The following PTTG1IP variants were observed in gnomAD, a reference collection of about 807,000 sequenced individuals.
The protein encoded by PTTG1IP is PTTG1 interacting protein, also known as pituitary tumor-transforming gene 1 protein-interacting protein.
Under a neutral mutation model 24.4 loss-of-function variants are expected in PTTG1IP, and 16 were observed. The observed-to-expected ratio is 0.66, with a 90% CI of 0.44 to 1.00. PTTG1IP has a LOEUF of 1.00. Ranked by LOEUF, PTTG1IP falls within the 50% of genes least tolerant of loss-of-function variation. The pLI is 0.00. For missense variants in PTTG1IP, 241 were observed against 245.8 expected (o/e 0.98, Z 0.13); for synonymous variants, 89 against 96.8 (o/e 0.92, Z 0.47).
intron 2 of PTTG1IP, among the ~76,000 whole-genome samples, chr21:44,864,095 C>T (rs528382271): frequency 1.3e-5 from 2 of 152,362 alleles, no homozygotes; most frequent in South Asian, 4.1e-4. Context: ...GGAAAGGAAG[C>T]CTCTGGCCCT....
chr21:44,852,244 G>A (rs915575051), intron 5 of PTTG1IP, among the ~76,000 whole-genome samples: 1 of 151,712 alleles, frequency 6.6e-6, no homozygotes, highest in Admixed American at 6.6e-5. Flanking sequence ...GTGCAATGGC[G>A]CAGTCTCGGC....
At position 44,865,383 on chromosome 21, in the gene PTTG1IP, C is replaced by T. The variant is rs761390751; in HGVS notation, c.168+12G>A. The T allele has an allele frequency of 3.3e-5, 54 of 1,613,688 alleles. No individual in the cohort carries two copies. The highest frequency in any genetic ancestry group is 1.6e-4 in the Middle Eastern group (1 of 6,080). ...GGACGGCACTCTGGTCTCTAGTCCA[C>T]GTGCTACTTACGGAGACGTTCTTCA... On this transcript the variant is annotated intron_variant, in intron 2 of 5. Coordinates refer to ENST00000330938, the MANE Select transcript of PTTG1IP (RefSeq NM_004339.4).
chr21:44,852,914 G>A (rs189102628), intron 5 of PTTG1IP, among the ~76,000 whole-genome samples: 31 of 152,302 alleles, frequency 2.0e-4, no homozygotes, highest in Admixed American at 6.5e-4. Flanking sequence ...GCTTTCCAAA[G>A]CACAGGCCAT....
chr21:44,865,352 C>A lies in PTTG1IP; in HGVS notation c.168+43G>T, dbSNP rs373569581. On this transcript the variant is annotated intron_variant, in intron 2 of 5. Coordinates refer to ENST00000330938, the MANE Select transcript of PTTG1IP (RefSeq NM_004339.4). Reference sequence around the variant, plus strand: ...TAGAGAAAGCCCGTGTGCCTTTGGACGGTCTGGACGGCACTCTGGTCTCTA... The same window carrying A: ...TAGAGAAAGCCCGTGTGCCTTTGGAAGGTCTGGACGGCACTCTGGTCTCTA... The A allele has an allele frequency of 1.4e-5, 23 of 1,591,704 alleles. No homozygotes were observed. The African/African-American group carries it at 2.7e-4, about 19-fold the overall frequency.
At position 44,863,640 on chromosome 21, in the gene PTTG1IP, G is replaced by A. The variant is rs1020624592; in HGVS notation, c.168+1755C>T. ...GCAAAAACGCACTCTAGGCTACAAA[G>A]CCACATACAATAGTGAGCTATGTTT... On this transcript the variant is annotated intron_variant, in intron 2 of 5. Transcript: ENST00000330938. 2.0e-5 allele frequency among the ~76,000 whole-genome samples: 3 copies of A among 152,340 alleles called. No individual in the cohort carries two copies. In the South Asian group the frequency reaches 6.2e-4, roughly 32 times the overall value.
rs989627744 is a variant in PTTG1IP at position 44,850,185 on chromosome 21, C to T, written c.*1396G>A. On this transcript the variant is annotated 3_prime_UTR_variant, in exon 6 of 6. Coordinates refer to ENST00000330938, the MANE Select transcript of PTTG1IP (RefSeq NM_004339.4). ...AAGACAGTCTTCTCAGTTTTCATGA[C>T]TGTGAAGTGTGAAAATGGAACGCAT... 3.9e-5 allele frequency: 6 copies of T among 152,196 alleles called. No individual in the cohort carries two copies. The highest frequency in any genetic ancestry group is 7.3e-5 in the Non-Finnish European group (5 of 68,034). The allele number at this position is 152,196 out of a possible 1,614,324, so 9.4% of individuals were successfully genotyped here.
chr21:44,854,420 T>G (rs1478797262), intron 5 of PTTG1IP, among the ~76,000 whole-genome samples: 3 of 151,398 alleles, frequency 2.0e-5, no homozygotes, highest in African/African-American at 7.3e-5. Context: ...AGGCGAGGAG[T>G]CAGTTCCCAC....
chr21:44,866,635 A>AACACAC (rs149247797), intron 1 of PTTG1IP, among the ~76,000 whole-genome samples: 4 of 110,000 alleles, frequency 3.6e-5, no homozygotes, highest in African/African-American at 1.1e-4. Context: ...CCAATCCCGT[A>AACACAC]ACACACACAC....
intron 5 of PTTG1IP, among the ~76,000 whole-genome samples, chr21:44,854,155 C>T (rs1468537515): frequency 6.6e-6 from 1 of 152,188 alleles, no homozygotes; most frequent in South Asian, 2.1e-4. Context: ...TGCCGTCCAC[C>T]CCCCACCCGA....
rs235279 is a variant in PTTG1IP, at chr21:44,863,475, G to T, written c.168+1920C>A. Among the ~76,000 whole-genome samples, 972 of 152,336 alleles carry T rather than the reference G, an allele frequency of 6.4e-3. 10 individuals carry two copies. Among genetic ancestry groups the T allele is most frequent in the Admixed American group, 0.015 (226 of 15,302 alleles). Reference sequence around the variant, plus strand: ...CTCTTCACCGCCCTGTCTGGGTTCAGAACTGGAGTCAGGCCTTCAGCCCTT... The same window carrying T: ...CTCTTCACCGCCCTGTCTGGGTTCATAACTGGAGTCAGGCCTTCAGCCCTT... On this transcript the variant is annotated intron_variant, in intron 2 of 5. Coordinates refer to ENST00000330938, the MANE Select transcript of PTTG1IP (RefSeq NM_004339.4).
chr21:44,851,733 G>A (rs8127718), intron 5 of PTTG1IP, 106 bp from the exon 6 acceptor site: 11 of 1,364,370 alleles, frequency 8.1e-6, no homozygotes, highest in Non-Finnish European at 1.1e-5. Context: ...TGAGGCTATA[G>A]CAACAACGGG....
chr21:44,852,737 T>C (rs1344110), intron 5 of PTTG1IP, among the ~76,000 whole-genome samples: 27,419 of 151,862 alleles, frequency 0.18, 3,120 homozygotes, highest in South Asian at 0.3. Context: ...TAAGTTCTTA[T>C]TGAAAAACTC....
At chr21:44,857,470 C>T (rs892044290) in intron 3 of PTTG1IP, among the ~76,000 whole-genome samples, 3 of 152,206 alleles carry the variant, frequency 2.0e-5, no homozygotes, top group Non-Finnish European at 4.4e-5. Flanking sequence ...CCGGGCAACA[C>T]GGCAAGACAC....
intron 1 of PTTG1IP, among the ~76,000 whole-genome samples, chr21:44,866,559 C>G (rs1385854932): frequency 2.2e-5 from 3 of 139,210 alleles, no homozygotes; most frequent in African/African-American, 8.2e-5. Context: ...TCCCGTAACA[C>G]ACACACAGAC....
intron 5 of PTTG1IP, 145 bp from the exon 6 acceptor site, chr21:44,851,772 T>A: frequency 1.1e-6 from 1 of 946,464 alleles, no homozygotes; most frequent in Non-Finnish European, 1.5e-6. Context: ...ATACAGTGCT[T>A]AACCTTTTTT....
intron 3 of PTTG1IP, among the ~76,000 whole-genome samples, chr21:44,860,808 T>C (rs1415662058): frequency 1.4e-5 from 2 of 146,544 alleles, no homozygotes; most frequent in Non-Finnish European, 3.1e-5. Context: ...CACATAATAC[T>C]ATTTTCTTTT....
intron 3 of PTTG1IP, among the ~76,000 whole-genome samples, chr21:44,859,396 C>T (rs1045318954): frequency 5.9e-5 from 9 of 151,542 alleles, no homozygotes; most frequent in African/African-American, 9.7e-5. Context: ...TACGCACACA[C>T]GTGTGCATTA....
chr21:44,870,525 C>CAAAACA (rs2083576055), intron 1 of PTTG1IP, among the ~76,000 whole-genome samples: 1 of 76,964 alleles, frequency 1.3e-5, no homozygotes, highest in Non-Finnish European at 2.4e-5. Context: ...GACTCCATCT[C>CAAAACA]AAAAAAAAAA....
intron 5 of PTTG1IP, among the ~76,000 whole-genome samples, chr21:44,854,973 C>G (rs995303466): frequency 6.6e-6 from 1 of 152,212 alleles, no homozygotes; most frequent in Non-Finnish European, 1.5e-5. Context: ...AAGCAAACAG[C>G]TATCTGAGAA....
Sources: gnomAD v4.1 joint callset for allele counts (sites outside exome capture counted in the v4.1 genomes callset) on GRCh38, gnomAD v4.1.1 for gene constraint, MANE v1.5 for transcripts, NCBI Gene and HGNC (gene_info 2026-07-23, HGNC 2026-07-21) for gene names.